Variants in LAMB4 observed in about 807,000 individuals in gnomAD.
The protein encoded by LAMB4 is laminin subunit beta 4, also known as laminin subunit beta-4.
A neutral mutation model predicts 199.2 loss-of-function variants in LAMB4; 196 were observed. The ratio of observed to expected loss-of-function variants is 0.98; its 90% confidence interval spans 0.88 to 1.11. The LOEUF (loss-of-function observed/expected upper bound fraction) is 1.11. Among genes scored for constraint, LAMB4 ranks in the 50% least tolerant of loss-of-function variants. The pLI is 0.00. For synonymous variants in LAMB4, 744 were observed against 770.6 expected (o/e 0.97, Z 0.57); for missense variants, 2,080 against 2,171.2 (o/e 0.96, Z 0.83).
intron 15 of LAMB4, among the ~76,000 whole-genome samples, chr7:108,078,754 G>A (rs1397930399): frequency 6.6e-6 from 1 of 152,144 alleles, no homozygotes; most frequent in East Asian, 1.9e-4. Context: ...AGGTGTCAGG[G>A]CCATATTCTC....
intron 21 of LAMB4, among the ~76,000 whole-genome samples, chr7:108,065,152 C>T (rs1373271695): frequency 6.6e-6 from 1 of 152,124 alleles, no homozygotes; most frequent in African/African-American, 2.4e-5. Context: ...AAGTAATCCT[C>T]CCTCACCCAC....
At chr7:108,043,967 A>G (rs2150511426) in intron 28 of LAMB4, 71 bp from the exon 29 acceptor site, 1 of 1,355,566 alleles carries the variant, frequency 7.4e-7, no homozygotes, top group Non-Finnish European at 1.0e-6. Context: ...TTGATGTTTA[A>G]TTACTTAGCT....
intron 2 of LAMB4, among the ~76,000 whole-genome samples, chr7:108,120,952 T>G (rs1371349867): frequency 6.6e-6 from 1 of 152,230 alleles, no homozygotes; most frequent in Non-Finnish European, 1.5e-5. Flanking sequence ...ACATTATAAG[T>G]GCAAATATGA....
In LAMB4 at chr7:108,049,517, T is replaced by C; in HGVS notation, c.3931A>G (p.Ile1311Val). ...NASIADSSEN[I>V]KKYYHISSSA... ...GATGATATGTGATAATATTTCTTGA[T>C]GTTTTCTGAGGAGTCTACGTCAATG... The change falls in exon 27 of 34, where the codon ATC becomes GTC. Residue 1311 changes from isoleucine (I) to valine (V), a missense_variant. Coordinates refer to ENST00000388781, the MANE Select transcript of LAMB4 (RefSeq NM_007356.3). The C allele has an allele frequency of 6.2e-7, 1 of 1,602,390 alleles. No individual in the cohort carries two copies. The highest frequency in any genetic ancestry group is 8.5e-7 in the Non-Finnish European group (1 of 1,172,216).
At chr7:108,121,780 T>C (rs1016056541) in intron 2 of LAMB4, among the ~76,000 whole-genome samples, 2 of 151,502 alleles carry the variant, frequency 1.3e-5, no homozygotes, top group African/African-American at 4.9e-5. Context: ...CGCATGTAGA[T>C]AAGGTTTGCA....
intron 12 of LAMB4, among the ~76,000 whole-genome samples, chr7:108,094,294 CT>C (rs564071505): frequency 6.4e-4 from 97 of 152,300 alleles, no homozygotes; most frequent in African/African-American, 2.3e-3. Context: ...AACTGTGCTC[CT>C]TTTTTTGTGT....
chr7:108,017,609 G>C, the LAMB4 span, among the ~76,000 whole-genome samples: 3 of 152,194 alleles, frequency 2.0e-5, no homozygotes, highest in Non-Finnish European at 4.4e-5. Flanking sequence ...TGTCTGGTTA[G>C]AAAAGGCATA....
intron 10 of LAMB4, among the ~76,000 whole-genome samples, chr7:108,098,983 T>A (rs1383947979): frequency 6.6e-6 from 1 of 152,158 alleles, no homozygotes; most frequent in African/African-American, 2.4e-5. Flanking sequence ...GGTTAATATT[T>A]TATGTTATGT....
chr7:108,076,184 T>C (rs1282254259), intron 17 of LAMB4, among the ~76,000 whole-genome samples: 1 of 151,904 alleles, frequency 6.6e-6, no homozygotes, highest in East Asian at 1.9e-4. Context: ...TAGTAAAAAA[T>C]AGAAGCAACT....
chr7:108,079,766 C>G lies in LAMB4; in HGVS notation c.1722G>C (p.Gln574His), dbSNP rs76115749. ...LAPLGSETFGQSPAVHVVLGE... is the reference protein window; with the variant it reads ...LAPLGSETFGHSPAVHVVLGE... The stretch of plus-strand genomic sequence containing the variant: ...CTAAAACAACGTGAACAGCAGGACT[C>G]TGGCCAAACGTCTCCGAGCCCTAAA... Residue 574 changes from glutamine to histidine, a missense_variant, in exon 15 of 34, where the codon CAG becomes CAC. Gln to His is a conservative substitution (Grantham distance 24). Transcript: ENST00000388781. 326 of 1,598,702 alleles carry G rather than the reference C, an allele frequency of 2.0e-4. No individual in the cohort carries two copies. In the African/African-American group the frequency reaches 3.8e-3, roughly 19 times the overall value.
intron 2 of LAMB4, among the ~76,000 whole-genome samples, chr7:108,121,516 G>A (rs548514092): frequency 5.9e-5 from 9 of 152,246 alleles, no homozygotes; most frequent in African/African-American, 1.4e-4. Flanking sequence ...TTGGGAGGCC[G>A]AGGTGGGTGT....
In LAMB4 at chr7:108,057,804, A is replaced by G. The variant is rs780402987; in HGVS notation, c.3379+28T>C. Reference sequence around the variant, plus strand: ...TGGTAGGGCCAGGCTGACTGTACGCATGAGTTTTTAGAAATCCCAATACTT... The same window carrying G: ...TGGTAGGGCCAGGCTGACTGTACGCGTGAGTTTTTAGAAATCCCAATACTT... On this transcript the variant is annotated intron_variant, in intron 24 of 33. Coordinates refer to ENST00000388781, the MANE Select transcript of LAMB4 (RefSeq NM_007356.3). 1.1e-5 allele frequency: 16 copies of G among 1,445,266 alleles called. No homozygotes were observed. The Admixed American group carries it at 1.8e-4, about 17-fold the overall frequency. 89.5% of individuals were successfully genotyped at this position (1,445,266 alleles called of 1,614,324 possible). A position where few individuals can be genotyped will look rare whatever the true frequency, so the allele number is the denominator to read the frequency against.
At chr7:108,026,796 T>G (rs945367706) in intron 33 of LAMB4, 8 of 438,360 alleles carry the variant, frequency 1.8e-5, no homozygotes, top group Non-Finnish European at 3.5e-5. Context: ...CAGGGGCTCC[T>G]CTTCCTAACA....
Position 108,068,174 on chromosome 7 carries a change from G to C in LAMB4, c.2303-15C>G, listed in dbSNP as rs760923932. On this transcript the variant is annotated splice_polypyrimidine_tract_variant and intron_variant, in intron 18 of 33. Coordinates refer to ENST00000388781, the MANE Select transcript of LAMB4 (RefSeq NM_007356.3). ...ACACTTGCAGGCTGCAAGGAACAAT[G>C]GAAGGGAGGTAGAAATGAATGAAGA... 20 of 1,613,520 alleles carry C rather than the reference G, an allele frequency of 1.2e-5. No individual in the cohort carries two copies. The highest frequency in any genetic ancestry group is 1.2e-4 in the South Asian group (11 of 91,046).
intron 13 of LAMB4, 68 bp downstream of exon 13, chr7:108,092,269 G>T: frequency 1.7e-6 from 2 of 1,198,278 alleles, no homozygotes; most frequent in Non-Finnish European, 1.2e-6. Flanking sequence ...ATGACTATGA[G>T]CGTATCAGAA....
chr7:108,090,887 T>A (rs1358038489), intron 14 of LAMB4, among the ~76,000 whole-genome samples: 3 of 152,056 alleles, frequency 2.0e-5, no homozygotes, highest in African/African-American at 7.2e-5. Flanking sequence ...ATGGTCTTGA[T>A]CCTAGTCAGT....
chr7:108,106,524 T>C lies in LAMB4; in HGVS notation c.640A>G (p.Ser214Gly). Residue 214 changes from serine to glycine, a missense_variant, in exon 7 of 34, where the codon AGC becomes GGC. Transcript: ENST00000388781. ...GAATTCATACCTTGGATGTAGGGGC[T>C]ATAAGGGTTTTCAATTTCAAAACTG... Reference protein sequence around the residue: ...DPSFEIENPYSPYIQDLVTLT... With the variant: ...DPSFEIENPYGPYIQDLVTLT... The C allele has an allele frequency of 2.5e-6, 4 of 1,581,596 alleles. No homozygotes were observed. Among genetic ancestry groups the C allele is most frequent in the Non-Finnish European group, 3.5e-6 (4 of 1,152,836 alleles).
intron 3 of LAMB4, among the ~76,000 whole-genome samples, chr7:108,113,756 G>A (rs984364480): frequency 1.3e-5 from 2 of 152,330 alleles, no homozygotes; most frequent in East Asian, 1.9e-4. Flanking sequence ...CTAAATGTGA[G>A]TTCCATCTTG....
At chr7:108,079,154 A>T (rs2036826583) in intron 15 of LAMB4, among the ~76,000 whole-genome samples, 1 of 152,230 alleles carries the variant, frequency 6.6e-6, no homozygotes. Context: ...CTAGTGGGAA[A>T]CAAGAGGGGC....
Sources: allele counts gnomAD v4.1 joint callset (sites outside exome capture counted in the v4.1 genomes callset), GRCh38; gene constraint gnomAD v4.1.1; transcripts MANE v1.5; gene names NCBI Gene and HGNC (gene_info 2026-07-23, HGNC 2026-07-21).